Variants in PALS1 observed in about 807,000 individuals in gnomAD.
PALS1 encodes the protein protein associated with LIN7 1, MAGUK p55 family member.
PALS1 carries 31 observed loss-of-function variants against 78.9 expected under a neutral mutation model. The observed-to-expected ratio is 0.39, with a 90% CI of 0.30 to 0.53. The LOEUF (loss-of-function observed/expected upper bound fraction) is 0.53, where lower values mean the gene tolerates loss of function less well. Ranked by LOEUF, PALS1 falls within the 20% of genes least tolerant of loss-of-function variation. PALS1 has a pLI of 0.67. For synonymous variants in PALS1, 276 were observed against 270.9 expected (o/e 1.02, Z -0.18); for missense variants, 704 against 826.5 (o/e 0.85, Z 1.82).
At chr14:67,279,712 C>G (rs928685372) in intron 3 of PALS1, 175 bp downstream of exon 3, 2 of 541,762 alleles carry the variant, frequency 3.7e-6, no homozygotes, top group East Asian at 6.4e-5. Flanking sequence ...CTGTTACCAA[C>G]ATAGAGCTAA....
chr14:67,272,237 T>A (rs1194301161), intron 2 of PALS1, among the ~76,000 whole-genome samples: 1 of 152,210 alleles, frequency 6.6e-6, no homozygotes, highest in Non-Finnish European at 1.5e-5. Flanking sequence ...AATCAAACTT[T>A]CTAGTCCTAT....
chr14:67,243,290 G>T (rs983049193), intron 1 of PALS1, among the ~76,000 whole-genome samples: 16 of 149,672 alleles, frequency 1.1e-4, no homozygotes, highest in African/African-American at 3.7e-4. Context: ...TGGTTCAAGT[G>T]ATTCTCCTGC....
intron 2 of PALS1, among the ~76,000 whole-genome samples, chr14:67,274,235 C>T (rs1035250247): frequency 1.3e-5 from 2 of 152,142 alleles, no homozygotes; most frequent in African/African-American, 4.8e-5. Context: ...AGGTTTTCTT[C>T]TAGGGTTTTT....
rs371373872 is a variant in PALS1, at chr14:67,323,829, A to G, written c.1851+17A>G. The stretch of plus-strand genomic sequence containing the variant: ...AATCCAAAGGTAAAGTTTTCACACT[A>G]TTGTACTATTCCATTGAAGGTAAAC... On this transcript the variant is annotated intron_variant, in intron 14 of 14. Coordinates refer to ENST00000261681, the MANE Select transcript of PALS1 (RefSeq NM_022474.4). 1.6e-6 allele frequency: 2 copies of G among 1,289,432 alleles called. No homozygotes were observed. Among genetic ancestry groups the G allele is most frequent in the Non-Finnish European group, 2.2e-6 (2 of 903,040 alleles). The allele number at this position is 1,289,432 out of a possible 1,614,324, so 79.9% of individuals were successfully genotyped here.
intron 13 of PALS1, among the ~76,000 whole-genome samples, chr14:67,321,615 C>T (rs2085266300): frequency 6.6e-6 from 1 of 152,150 alleles, no homozygotes; most frequent in Non-Finnish European, 1.5e-5. Flanking sequence ...CTTTTATATA[C>T]ACCTTATTTA....
intron 8 of PALS1, among the ~76,000 whole-genome samples, chr14:67,308,103 A>C (rs2140925174): frequency 6.6e-6 from 1 of 152,156 alleles, no homozygotes; most frequent in African/African-American, 2.4e-5. Context: ...GGGGAGGGAG[A>C]GGATCAGGAA....
chr14:67,332,955 G>A lies in PALS1; in HGVS notation c.2027G>A (p.Ter676=), dbSNP rs1279705227. 4.4e-6 allele frequency: 7 copies of A among 1,601,896 alleles called. No homozygotes were observed. Among genetic ancestry groups the A allele is most frequent in the Non-Finnish European group, 6.0e-6 (7 of 1,170,622 alleles). ...TGGGTACCATCCACTTGGCTGAGGT[G>A]AAAGAAACATCCATTCTGTGGCATG... is the stretch of plus-strand genomic sequence containing the variant. ...PQWVPSTWLR[*] Residue 676 remains the stop codon, a stop_retained_variant, in exon 15 of 15, where the codon TGA becomes TAA. Transcript: ENST00000261681.
At chr14:67,328,839 C>A (rs1161877576) in intron 14 of PALS1, among the ~76,000 whole-genome samples, 1 of 152,090 alleles carries the variant, frequency 6.6e-6, no homozygotes, top group Non-Finnish European at 1.5e-5. Context: ...TGGTCTGTAT[C>A]TCTGTTTTGG....
In PALS1 at chr14:67,302,477, A is replaced by C; in HGVS notation, c.869A>C (p.Glu290Ala). Residue 290 changes from glutamate (E) to alanine (A), a missense_variant, in exon 7 of 15, where the codon GAG becomes GCG. Glu to Ala is a moderately radical substitution (Grantham distance 107). Coordinates refer to ENST00000261681, the MANE Select transcript of PALS1 (RefSeq NM_022474.4). Reference protein sequence around the residue: ...ISRIVKGGAAEKSGLLHEGDE... With the variant: ...ISRIVKGGAAAKSGLLHEGDE... ...CGGATAGTAAAAGGGGGTGCTGCAG[A>C]GAAAAGTGGTCTGTTGCATGAAGGA... is the stretch of plus-strand genomic sequence containing the variant. The C allele has an allele frequency of 6.2e-7, 1 of 1,600,176 alleles. No individual in the cohort carries two copies. Among genetic ancestry groups the C allele is most frequent in the East Asian group, 2.3e-5 (1 of 44,042 alleles).
At chr14:67,328,768 G>C (rs1321880173) in intron 14 of PALS1, among the ~76,000 whole-genome samples, 4 of 152,142 alleles carry the variant, frequency 2.6e-5, no homozygotes, top group Admixed American at 6.6e-5. Context: ...TGTCAGGTTT[G>C]TCAAAGATCA....
chr14:67,295,975 C>A (rs1292699575), intron 4 of PALS1, among the ~76,000 whole-genome samples: 1 of 152,008 alleles, frequency 6.6e-6, no homozygotes, highest in Non-Finnish European at 1.5e-5. Context: ...GTGAAAGTTG[C>A]ATTAGGCTTT....
At chr14:67,283,190 G>A (rs1567519696) in intron 3 of PALS1, among the ~76,000 whole-genome samples, 1 of 151,966 alleles carries the variant, frequency 6.6e-6, no homozygotes, top group Non-Finnish European at 1.5e-5. Context: ...AAGAAAACCG[G>A]GATGAATAAA....
intron 1 of PALS1, among the ~76,000 whole-genome samples, chr14:67,265,980 T>C (rs1173729204): frequency 1.3e-5 from 2 of 152,154 alleles, no homozygotes; most frequent in Admixed American, 6.5e-5. Context: ...AAAAGTATTA[T>C]TTATTTTTTG....
At chr14:67,281,306 C>A (rs1448106922) in intron 3 of PALS1, among the ~76,000 whole-genome samples, 1 of 152,118 alleles carries the variant, frequency 6.6e-6, no homozygotes, top group Non-Finnish European at 1.5e-5. Context: ...TTTAAGAAAT[C>A]ATAGATATGT....
chr14:67,250,425 C>T (rs983837373), intron 1 of PALS1, among the ~76,000 whole-genome samples: 5 of 152,136 alleles, frequency 3.3e-5, no homozygotes, highest in Non-Finnish European at 5.9e-5. Context: ...AACAGTGGTT[C>T]TTCTGTCTTA....
chr14:67,285,366 ATTT>A (rs767382946), intron 3 of PALS1, among the ~76,000 whole-genome samples: 4 of 137,820 alleles, frequency 2.9e-5, no homozygotes, highest in Non-Finnish European at 3.1e-5. Flanking sequence ...CCTTAGGTAA[ATTT>A]TTTTTTTTTT....
At chr14:67,285,442 C>T (rs1336804032) in intron 3 of PALS1, among the ~76,000 whole-genome samples, 1 of 150,508 alleles carries the variant, frequency 6.6e-6, no homozygotes, top group Non-Finnish European at 1.5e-5. Context: ...TCTCGGCTCA[C>T]TGCAAGCTCC....
intron 8 of PALS1, among the ~76,000 whole-genome samples, chr14:67,305,560 C>T (rs1235550776): frequency 6.6e-6 from 1 of 152,200 alleles, no homozygotes; most frequent in African/African-American, 2.4e-5. Flanking sequence ...GGATTACAGA[C>T]GTGAGCCACA....
chr14:67,264,507 C>G (rs954611136), intron 1 of PALS1, among the ~76,000 whole-genome samples: 15 of 152,076 alleles, frequency 9.9e-5, no homozygotes, highest in African/African-American at 3.4e-4. Flanking sequence ...ACTTTCTGAT[C>G]TCACGTTTAA....
Sources: allele counts gnomAD v4.1 joint callset (sites outside exome capture counted in the v4.1 genomes callset), GRCh38; gene constraint gnomAD v4.1.1; transcripts MANE v1.5; gene names NCBI Gene and HGNC (gene_info 2026-07-23, HGNC 2026-07-21).